The following TRDN variants were observed in gnomAD, a reference collection of about 807,000 sequenced individuals.
The protein encoded by TRDN is triadin in skeletal muscle.
TRDN carries 161 observed loss-of-function variants against 149.7 expected under a neutral mutation model. The ratio of observed to expected loss-of-function variants is 1.08; its 90% confidence interval spans 0.95 to 1.23. The LOEUF is 1.23. TRDN is among the 50% of genes most tolerant of loss of function. The pLI, the probability that TRDN is intolerant of heterozygous loss-of-function variation, is 0.00. For synonymous variants in TRDN, 294 were observed against 250.5 expected (o/e 1.17, Z -1.64); for missense variants, 896 against 823.5 (o/e 1.09, Z -1.08).
chr6:123,462,986 C>G (rs1396825615), intron 10 of TRDN: 1 of 152,176 alleles, frequency 6.6e-6, no homozygotes, highest in African/African-American at 2.4e-5. Flanking sequence ...ATCCTCAAAC[C>G]TTGTTATTTT....
At chr6:123,252,505 T>C in intron 37 of TRDN, 70 bp from the exon 38 acceptor site, 1 of 790,104 alleles carries the variant, frequency 1.3e-6, no homozygotes, top group South Asian at 2.1e-5. Context: ...ATCAGTGGAC[T>C]TTATAAAAAT....
chr6:123,452,861 G>A (rs1775870215), intron 10 of TRDN, among the ~76,000 whole-genome samples: 1 of 152,018 alleles, frequency 6.6e-6, no homozygotes, highest in Admixed American at 6.6e-5. Context: ...ATACTATAAG[G>A]CCATAGTCAC....
intron 9 of TRDN, chr6:123,489,585 G>A (rs1453278130): frequency 6.6e-6 from 1 of 152,108 alleles, no homozygotes; most frequent in Non-Finnish European, 1.5e-5. Context: ...CCATGTGACA[G>A]CATTGGACAA....
At chr6:123,610,549 T>C (rs1489151819) in intron 1 of TRDN, among the ~76,000 whole-genome samples, 2 of 152,088 alleles carry the variant, frequency 1.3e-5, no homozygotes, top group African/African-American at 4.8e-5. Context: ...GGGCCAAGAG[T>C]AAGTGACAGA....
At chr6:123,632,220 A>G (rs1248799891) in intron 1 of TRDN, among the ~76,000 whole-genome samples, 1 of 152,046 alleles carries the variant, frequency 6.6e-6, no homozygotes. Flanking sequence ...CCTACTGCCT[A>G]CTATGGTGTA....
intron 14 of TRDN, among the ~76,000 whole-genome samples, chr6:123,382,776 G>A (rs910843503): frequency 9.9e-5 from 15 of 151,906 alleles, no homozygotes; most frequent in African/African-American, 3.4e-4. Flanking sequence ...TATAGTAGAC[G>A]GGCATTCAGC....
chr6:123,438,883 C>A, intron 11 of TRDN, 61 bp downstream of exon 11: 2 of 1,273,754 alleles, frequency 1.6e-6, no homozygotes, highest in Non-Finnish European at 1.1e-6. Flanking sequence ...ATAGATTTAC[C>A]AGTAGTATTA....
intron 24 of TRDN, among the ~76,000 whole-genome samples, 159 bp downstream of exon 24, chr6:123,316,298 T>C (rs1779017953): frequency 6.6e-6 from 1 of 151,922 alleles, no homozygotes; most frequent in Non-Finnish European, 1.5e-5. Context: ...GTTTTATTGC[T>C]TATTACTTGT....
intron 3 of TRDN, among the ~76,000 whole-genome samples, chr6:123,548,081 GT>G (rs2114434513): frequency 6.6e-6 from 1 of 151,938 alleles, no homozygotes; most frequent in South Asian, 2.1e-4. Context: ...TAGTTTTACT[GT>G]TTTTATTTTA....
At chr6:123,247,880 G>A (rs1776240796) in intron 38 of TRDN, among the ~76,000 whole-genome samples, 1 of 152,092 alleles carries the variant, frequency 6.6e-6, no homozygotes, top group Non-Finnish European at 1.5e-5. Context: ...AAAACAGCAT[G>A]GTACTGGTAC....
intron 30 of TRDN, among the ~76,000 whole-genome samples, chr6:123,270,447 A>C (rs772110948): frequency 1.1e-4 from 17 of 151,866 alleles, no homozygotes; most frequent in African/African-American, 2.2e-4. Flanking sequence ...TTCTTTTGGA[A>C]TGATTATTAG....
intron 10 of TRDN, chr6:123,444,947 T>A (rs1455623033): frequency 1.3e-5 from 2 of 152,254 alleles, no homozygotes; most frequent in Non-Finnish European, 2.9e-5. Flanking sequence ...GATTTTTCCA[T>A]CAATGTTCAT....
intron 40 of TRDN, 148 bp from the exon 41 acceptor site, chr6:123,218,888 G>C: frequency 1.3e-6 from 1 of 779,884 alleles, no homozygotes; most frequent in Non-Finnish European, 2.0e-6. Flanking sequence ...ACTGTGTCTT[G>C]GAGTCTTTAT....
chr6:123,630,056 G>A (rs1056206978), intron 1 of TRDN, among the ~76,000 whole-genome samples: 7 of 151,900 alleles, frequency 4.6e-5, no homozygotes, highest in African/African-American at 4.8e-5. Flanking sequence ...ACTTAACCTT[G>A]ACAAATCTTC....
At chr6:123,255,056 T>C in intron 37 of TRDN, 25 bp downstream of exon 37, 3 of 1,251,038 alleles carry the variant, frequency 2.4e-6, no homozygotes, top group Non-Finnish European at 3.4e-6. Context: ...CATACAAACA[T>C]AGTAGTTACG....
intron 24 of TRDN, among the ~76,000 whole-genome samples, chr6:123,303,524 C>T (rs1392597096): frequency 2.6e-5 from 4 of 151,976 alleles, no homozygotes; most frequent in Admixed American, 6.6e-5. Flanking sequence ...ACATGTTTAC[C>T]GCTAGAAAGT....
At chr6:123,279,596 T>C (rs546105452) in intron 24 of TRDN, among the ~76,000 whole-genome samples, 1 of 152,114 alleles carries the variant, frequency 6.6e-6, no homozygotes, top group East Asian at 1.9e-4. Context: ...TTTTAAGGAA[T>C]ATCATCTTTA....
At chr6:123,328,555 C>G (rs1779547643) in intron 23 of TRDN, among the ~76,000 whole-genome samples, 1 of 152,110 alleles carries the variant, frequency 6.6e-6, no homozygotes. Flanking sequence ...CACTGGGCCT[C>G]TAGTCCCAAG....
At chr6:123,458,442 G>A (rs1776259586) in intron 10 of TRDN, among the ~76,000 whole-genome samples, 1 of 152,142 alleles carries the variant, frequency 6.6e-6, no homozygotes, top group African/African-American at 2.4e-5. Context: ...GCCTTAAAGA[G>A]AAAAGACTGA....
Sources: allele counts gnomAD v4.1 joint callset (sites outside exome capture counted in the v4.1 genomes callset), GRCh38; gene constraint gnomAD v4.1.1; transcripts MANE v1.5; gene names NCBI Gene and HGNC (gene_info 2026-07-23, HGNC 2026-07-21).